Variants in STYXL1 observed in about 807,000 individuals in gnomAD.
STYXL1 encodes the protein serine/threonine/tyrosine interacting like 1.
A neutral mutation model predicts 36.4 loss-of-function variants in STYXL1; 32 were observed. The ratio of observed to expected loss-of-function variants is 0.88; its 90% confidence interval spans 0.66 to 1.18. STYXL1 has a LOEUF of 1.18. Ranked by LOEUF, STYXL1 falls within the 50% of genes most tolerant of loss-of-function variation. The probability of loss-of-function intolerance (pLI) is 0.00; values close to 1 mark genes in which losing one functional copy is unlikely to be tolerated. For missense variants in STYXL1, 354 were observed against 394.1 expected, an observed-to-expected ratio of 0.90 and a Z score of 0.86; for synonymous variants, 133 against 144.1, an observed-to-expected ratio of 0.92 and a Z score of 0.55.
chr7:76,027,672 A>G (rs1794873481), intron 3 of STYXL1, among the ~76,000 whole-genome samples: 2 of 152,024 alleles, frequency 1.3e-5, no homozygotes, highest in Non-Finnish European at 2.9e-5. Flanking sequence ...ATATATAAAA[A>G]CAACACATAA....
chr7:76,029,861 AG>A (rs1795130355), intron 2 of STYXL1, among the ~76,000 whole-genome samples: 1 of 152,170 alleles, frequency 6.6e-6, no homozygotes, highest in African/African-American at 2.4e-5. Context: ...CGGTAATGCA[AG>A]CGATGGGGAG....
chr7:76,046,774 C>T (rs1474959403), intron 1 of STYXL1, among the ~76,000 whole-genome samples: 3 of 151,544 alleles, frequency 2.0e-5, no homozygotes, highest in African/African-American at 4.9e-5. Flanking sequence ...CCTCAGCCTC[C>T]GGAGTAGTTG....
At chr7:76,011,830 C>T (rs1412107928) in intron 5 of STYXL1, among the ~76,000 whole-genome samples, 1 of 152,314 alleles carries the variant, frequency 6.6e-6, no homozygotes, top group Admixed American at 6.5e-5. Flanking sequence ...TCCAGATACC[C>T]GGGGCGTCCC....
At chr7:76,025,874 T>A (rs1554577551) in intron 3 of STYXL1, among the ~76,000 whole-genome samples, 3 of 151,728 alleles carry the variant, frequency 2.0e-5, no homozygotes. Context: ...TGCTCCCTGC[T>A]GAGTTATTGA....
At chr7:76,023,236 C>T (rs1448180287) in intron 3 of STYXL1, among the ~76,000 whole-genome samples, 1 of 152,156 alleles carries the variant, frequency 6.6e-6, no homozygotes, top group African/African-American at 2.4e-5. Flanking sequence ...CGAACCCCAG[C>T]AATGCTCAGA....
chr7:76,031,560 C>T (rs1292555134), intron 1 of STYXL1, among the ~76,000 whole-genome samples: 1 of 150,942 alleles, frequency 6.6e-6, no homozygotes, highest in Non-Finnish European at 1.5e-5. Context: ...ACTAAAAATA[C>T]AAAAATTACC....
intron 7 of STYXL1, 23 bp downstream of exon 7, chr7:76,003,734 AC>A (rs782043322): frequency 6.2e-7 from 1 of 1,611,526 alleles, no homozygotes; most frequent in Non-Finnish European, 8.5e-7. Context: ...GCCAGTTGCT[AC>A]CCGGCCAAGG....
intron 2 of STYXL1, among the ~76,000 whole-genome samples, chr7:76,029,637 A>C (rs1361594613): frequency 6.6e-5 from 10 of 152,146 alleles, no homozygotes. Context: ...AAATAATTCT[A>C]CCATCATGTA....
At chr7:76,011,805 G>T (rs567230328) in intron 5 of STYXL1, among the ~76,000 whole-genome samples, 1 of 152,298 alleles carries the variant, frequency 6.6e-6, no homozygotes, top group South Asian at 2.1e-4. Flanking sequence ...AAGCTCAAGT[G>T]CCCCTTCTCT....
intron 1 of STYXL1, among the ~76,000 whole-genome samples, chr7:76,046,335 TGTGTGCGC>T (rs1797047656): frequency 1.1e-4 from 2 of 19,038 alleles, no homozygotes; most frequent in African/African-American, 4.1e-4. Flanking sequence ...TGTGTGTGTG[TGTGTGCGC>T]GCGCGCGCGC....
intron 5 of STYXL1, among the ~76,000 whole-genome samples, chr7:76,007,308 C>G (rs1554570743): frequency 1.3e-5 from 2 of 152,076 alleles, no homozygotes; most frequent in African/African-American, 2.4e-5. Flanking sequence ...TGCCTGTAGT[C>G]CCAGCTACTC....
chr7:76,006,637 A>G (rs1409004206), intron 5 of STYXL1, among the ~76,000 whole-genome samples: 2 of 151,764 alleles, frequency 1.3e-5, no homozygotes, highest in Non-Finnish European at 2.9e-5. Flanking sequence ...GGTGGCGGGC[A>G]CCTGTAATCC....
chr7:76,009,922 C>A (rs1792349063), intron 5 of STYXL1, among the ~76,000 whole-genome samples: 1 of 152,190 alleles, frequency 6.6e-6, no homozygotes, highest in Non-Finnish European at 1.5e-5. Flanking sequence ...TAGCCACAAC[C>A]CTGCGCCTTC....
intron 3 of STYXL1, 86 bp downstream of exon 3, chr7:76,028,556 G>C (rs1017571872): frequency 4.0e-6 from 5 of 1,261,292 alleles, no homozygotes; most frequent in Non-Finnish European, 5.7e-6. Context: ...TCTGCTGCCC[G>C]CTGGATTGAG....
chr7:76,041,662 C>T (rs1554582184), intron 1 of STYXL1, among the ~76,000 whole-genome samples: 1 of 152,198 alleles, frequency 6.6e-6, no homozygotes, highest in East Asian at 1.9e-4. Context: ...CAATCTGGAA[C>T]TTCCTAGCCT....
intron 5 of STYXL1, among the ~76,000 whole-genome samples, chr7:76,012,951 G>C (rs1220239722): frequency 1.3e-5 from 2 of 152,172 alleles, no homozygotes; most frequent in African/African-American, 4.8e-5. Flanking sequence ...TCTGACCTTG[G>C]TATCGGTCCA....
chr7:76,046,641 C>T (rs1797127491), intron 1 of STYXL1, among the ~76,000 whole-genome samples: 1 of 104,224 alleles, frequency 9.6e-6, no homozygotes, highest in Non-Finnish European at 1.9e-5. Flanking sequence ...GCCACCACAC[C>T]CGGCTTTTTT....
intron 3 of STYXL1, among the ~76,000 whole-genome samples, chr7:76,025,142 G>C (rs1439528569): frequency 7.4e-6 from 1 of 134,798 alleles, no homozygotes; most frequent in Admixed American, 7.5e-5. Flanking sequence ...CTGAGAACAC[G>C]GGCGGGAGGG....
rs182249859 is a variant in STYXL1, at chr7:76,009,504, G to A, written c.454-4100C>T. Among the ~76,000 whole-genome samples, 18 of 152,138 alleles carry A rather than the reference G, an allele frequency of 1.2e-4. No homozygotes were observed. In the East Asian group the frequency reaches 1.7e-3, roughly 15 times the overall value. ...CAGCTCACTGCAACCTCCGCCTCCC[G>A]GGTTCAATTGATTTTCCTGCCTCAG... On this transcript the variant is annotated intron_variant, in intron 5 of 8. Coordinates refer to ENST00000359697, the MANE Select transcript of STYXL1 (RefSeq NM_001317785.2).
Sources: gnomAD v4.1 joint callset for allele counts (sites outside exome capture counted in the v4.1 genomes callset) on GRCh38, gnomAD v4.1.1 for gene constraint, MANE v1.5 for transcripts, NCBI Gene and HGNC (gene_info 2026-07-23, HGNC 2026-07-21) for gene names.